DSCAM: variants seen among roughly 807,000 people sequenced by gnomAD.
DSCAM encodes the protein cell adhesion molecule DSCAM.
DSCAM carries 47 observed loss-of-function variants against 217.7 expected under a neutral mutation model. That is an observed-to-expected ratio of 0.22 (90% CI 0.17 to 0.28). The LOEUF is 0.28. Ranked by LOEUF, DSCAM falls within the 10% of genes least tolerant of loss-of-function variation. DSCAM has a pLI of 1.00. For missense variants in DSCAM, 2,080 were observed against 2,618.3 expected (o/e 0.79, Z 4.49); for synonymous variants, 1,056 against 1,015.3 (o/e 1.04, Z -0.76).
chr21:40,309,260 C>T (rs1188171279), intron 9 of DSCAM, among the ~76,000 whole-genome samples: 3 of 152,178 alleles, frequency 2.0e-5, no homozygotes. Context: ...ATCAAGCCCT[C>T]GCTGCAATGA....
chr21:40,728,474 A>G (rs2146520737), intron 1 of DSCAM, among the ~76,000 whole-genome samples: 1 of 151,944 alleles, frequency 6.6e-6, no homozygotes, highest in African/African-American at 2.4e-5. Context: ...GCTGGAGGGC[A>G]GTGGTGCAAT....
At chr21:40,671,909 C>T (rs907325830) in intron 3 of DSCAM, among the ~76,000 whole-genome samples, 2 of 152,142 alleles carry the variant, frequency 1.3e-5, no homozygotes, top group Non-Finnish European at 2.9e-5. Context: ...GCAAAAAATA[C>T]CACAGGCAGG....
intron 10 of DSCAM, among the ~76,000 whole-genome samples, chr21:40,291,136 T>C (rs1246196017): frequency 1.3e-5 from 2 of 152,190 alleles, no homozygotes; most frequent in African/African-American, 4.8e-5. Context: ...TCCCCTTTTG[T>C]CACACCCATA....
intron 32 of DSCAM, among the ~76,000 whole-genome samples, chr21:40,025,618 G>A (rs1457067044): frequency 6.6e-6 from 1 of 150,856 alleles, no homozygotes; most frequent in African/African-American, 2.5e-5. Context: ...ATGTGTCGAG[G>A]AATTTATCCA....
At chr21:40,663,384 T>C (rs536137511) in intron 3 of DSCAM, among the ~76,000 whole-genome samples, 77 of 152,148 alleles carry the variant, frequency 5.1e-4, no homozygotes, top group Non-Finnish European at 8.4e-4. Context: ...CACCTCCATA[T>C]GCACAGGCCA....
chr21:40,793,883 C>G (rs962365249), intron 1 of DSCAM, among the ~76,000 whole-genome samples: 3 of 152,096 alleles, frequency 2.0e-5, no homozygotes, highest in African/African-American at 7.2e-5. Flanking sequence ...ATATAAGAAG[C>G]ACAAAAACCT....
intron 6 of DSCAM, among the ~76,000 whole-genome samples, chr21:40,343,005 T>C: frequency 6.6e-6 from 1 of 152,184 alleles, no homozygotes; most frequent in South Asian, 2.1e-4. Context: ...AGCAGAGTTT[T>C]GTATTTTTGT....
chr21:40,693,252 T>C (rs2090557752), intron 2 of DSCAM, among the ~76,000 whole-genome samples: 2 of 152,026 alleles, frequency 1.3e-5, no homozygotes, highest in African/African-American at 4.8e-5. Flanking sequence ...CTGGGCAACA[T>C]GGCAACACCC....
Position 40,097,957 on chromosome 21 carries a change from AGAAAGAAAGAAAGAAAG to A in DSCAM, c.3697-4100_3697-4084del, listed in dbSNP as rs1403633922. On this transcript the variant is annotated intron_variant, in intron 20 of 32. Transcript: ENST00000400454. The stretch of plus-strand genomic sequence containing the variant: ...CTCTGTCTCAAAAAAAAAAAAAAAA[AGAAAGAAAGAAAGAAAG>A]AAAGAAAGAAAGAAAGAAAGAAAGA... Among the ~76,000 whole-genome samples the A allele has an allele frequency of 9.4e-3, 555 of 59,034 alleles. 106 individuals carry two copies. The highest frequency in any genetic ancestry group is 0.016 in the South Asian group (27 of 1,662). The allele number at this position is 59,034 out of a possible 152,430, so 38.7% of individuals were successfully genotyped here.
In DSCAM at chr21:40,410,093, C is replaced by T. The variant is rs547487763; in HGVS notation, c.509-40848G>A. Among the ~76,000 whole-genome samples the T allele has an allele frequency of 1.7e-4, 26 of 151,774 alleles. 1 individual carries two copies. In the South Asian group the frequency reaches 3.7e-3, roughly 22 times the overall value. On this transcript the variant is annotated intron_variant, in intron 3 of 32. Coordinates refer to ENST00000400454, the MANE Select transcript of DSCAM (RefSeq NM_001389.5). ...ATTAACAGGCAAGGAAATTAAAACA[C>T]GGATCATAAATATGTGCCATTTTCA...
chr21:40,302,337 G>C, intron 9 of DSCAM, among the ~76,000 whole-genome samples: 1 of 152,094 alleles, frequency 6.6e-6, no homozygotes, highest in Admixed American at 6.5e-5. Context: ...TGAGTCTCAT[G>C]AGATCTGATG....
intron 11 of DSCAM, among the ~76,000 whole-genome samples, chr21:40,240,299 A>T (rs1431545819): frequency 2.1e-5 from 3 of 140,120 alleles, no homozygotes; most frequent in African/African-American, 8.2e-5. Flanking sequence ...ACCTTTGTTC[A>T]GTAGGCCTTC....
chr21:40,147,370 G>C (rs934529277), intron 16 of DSCAM, among the ~76,000 whole-genome samples: 9 of 152,184 alleles, frequency 5.9e-5, no homozygotes, highest in Non-Finnish European at 1.2e-4. Context: ...ATCTTCCCTT[G>C]TTTCCTCTCC....
chr21:40,640,590 G>A (rs987688362), intron 3 of DSCAM, among the ~76,000 whole-genome samples: 1 of 152,178 alleles, frequency 6.6e-6, no homozygotes, highest in Non-Finnish European at 1.5e-5. Context: ...GATGACTGAT[G>A]TGTGTATAAG....
chr21:40,333,804 G>C (rs1326289194), intron 8 of DSCAM, among the ~76,000 whole-genome samples: 1 of 152,130 alleles, frequency 6.6e-6, no homozygotes, highest in East Asian at 1.9e-4. Flanking sequence ...TCTTCTGCCT[G>C]AGTCTCCGGA....
chr21:40,380,413 T>C (rs966541701), intron 3 of DSCAM, among the ~76,000 whole-genome samples: 1 of 152,204 alleles, frequency 6.6e-6, no homozygotes, highest in East Asian at 1.9e-4. Flanking sequence ...ATTTATACGA[T>C]GAACAAGATG....
chr21:40,682,555 G>A (rs2090413760), intron 3 of DSCAM, among the ~76,000 whole-genome samples: 2 of 139,350 alleles, frequency 1.4e-5, no homozygotes, highest in Admixed American at 1.5e-4. Flanking sequence ...AGAAAGAAAA[G>A]GAAGGAAGAA....
Position 40,648,944 on chromosome 21 carries a change from A to G in DSCAM, c.508+43866T>C, listed in dbSNP as rs577202325. Among the ~76,000 whole-genome samples, 255 of 152,306 alleles carry G rather than the reference A, an allele frequency of 1.7e-3. 4 individuals carry two copies. The highest frequency in any genetic ancestry group is 5.4e-3 in the African/African-American group (226 of 41,568). The stretch of plus-strand genomic sequence containing the variant: ...GCCAAACATGGGTACAAGCTATAGG[A>G]CAGCAAGCTCAGCGGGTGGGGGTGC... On this transcript the variant is annotated intron_variant, in intron 3 of 32. Coordinates refer to ENST00000400454, the MANE Select transcript of DSCAM (RefSeq NM_001389.5).
chr21:40,772,580 AC>A (rs2123394021), intron 1 of DSCAM, among the ~76,000 whole-genome samples: 1 of 152,308 alleles, frequency 6.6e-6, no homozygotes, highest in East Asian at 1.9e-4. Flanking sequence ...AGTTTTAGGA[AC>A]TGTCTTAGTT....
Sources: allele counts gnomAD v4.1 joint callset (sites outside exome capture counted in the v4.1 genomes callset), GRCh38; gene constraint gnomAD v4.1.1; transcripts MANE v1.5; gene names NCBI Gene and HGNC (gene_info 2026-07-23, HGNC 2026-07-21).